The following ENTPD5 variants were observed in gnomAD, a reference collection of about 807,000 sequenced individuals.
The protein encoded by ENTPD5 is ectonucleoside triphosphate diphosphohydrolase 5 (inactive), also known as nucleoside diphosphate phosphatase ENTPD5.
In ENTPD5, 49 loss-of-function variants were observed where a neutral mutation model predicts 60.2. The observed-to-expected ratio is 0.81, with a 90% CI of 0.65 to 1.03. The LOEUF is 1.03. ENTPD5 is among the 50% of genes least tolerant of loss of function. The pLI, the probability that ENTPD5 is intolerant of heterozygous loss-of-function variation, is 0.00. For synonymous variants in ENTPD5, 187 were observed against 185.4 expected (o/e 1.01, Z -0.07); for missense variants, 480 against 507.6 (o/e 0.95, Z 0.52).
intron 3 of ENTPD5, among the ~76,000 whole-genome samples, chr14:73,992,478 A>G (rs564495445): frequency 1.1e-4 from 17 of 152,124 alleles, no homozygotes; most frequent in African/African-American, 3.9e-4. Flanking sequence ...TGAGGTCAGG[A>G]GTTTGAGACC....
At chr14:73,992,701 AG>A (rs1393993688) in intron 3 of ENTPD5, among the ~76,000 whole-genome samples, 3 of 150,488 alleles carry the variant, frequency 2.0e-5, no homozygotes, top group Non-Finnish European at 4.4e-5. Flanking sequence ...AAAAAAAAAA[AG>A]CAAATTAAAG....
downstream of ENTPD5, chr14:73,958,641 C>T: frequency 7.7e-7 from 1 of 1,296,286 alleles, no homozygotes; most frequent in Non-Finnish European, 9.9e-7. Flanking sequence ...GGTAGCCATT[C>T]CTAACCCTAC....
At chr14:73,974,710 C>T (rs1008052524) in intron 11 of ENTPD5, among the ~76,000 whole-genome samples, 1 of 152,172 alleles carries the variant, frequency 6.6e-6, no homozygotes, top group African/African-American at 2.4e-5. Flanking sequence ...AACAAGTAGA[C>T]CTCATTCTAA....
chr14:73,978,077 T>C (rs1454875873), intron 6 of ENTPD5, among the ~76,000 whole-genome samples: 1 of 152,182 alleles, frequency 6.6e-6, no homozygotes, highest in Non-Finnish European at 1.5e-5. Context: ...TTCTGATGGA[T>C]GAAACATACC....
downstream of ENTPD5, chr14:73,961,148 T>A: frequency 6.2e-7 from 1 of 1,610,710 alleles, no homozygotes. Flanking sequence ...TTCACCTTGT[T>A]TGTCTTGTGG....
downstream of ENTPD5, chr14:73,959,027 G>C (rs1466150490): frequency 6.2e-7 from 1 of 1,614,162 alleles, no homozygotes; most frequent in Admixed American, 1.7e-5. Flanking sequence ...TCCAGAATGT[G>C]AGCTGGAACT....
downstream of ENTPD5, chr14:73,959,140 AC>A: frequency 6.2e-7 from 1 of 1,614,110 alleles, no homozygotes; most frequent in Non-Finnish European, 8.5e-7. Context: ...TCACAGAGAA[AC>A]TTTTCTCCTC....
downstream of ENTPD5, chr14:73,959,073 T>G (rs1336648270): frequency 6.2e-7 from 1 of 1,614,226 alleles, no homozygotes; most frequent in Admixed American, 1.7e-5. Context: ...TCTGCATTTA[T>G]CAGAGGTAAG....
chr14:73,999,823 C>A (rs1310695786), intron 3 of ENTPD5, among the ~76,000 whole-genome samples: 1 of 150,750 alleles, frequency 6.6e-6, no homozygotes, highest in Non-Finnish European at 1.5e-5. Context: ...GGCGCAGTAG[C>A]TTACACCTGT....
intron 10 of ENTPD5, 61 bp from the exon 11 acceptor site, chr14:73,975,046 C>T (rs2140507319): frequency 1.6e-6 from 2 of 1,277,476 alleles, no homozygotes; most frequent in Non-Finnish European, 2.3e-6. Context: ...CCTAAAGCTA[C>T]CTCTTTCAAA....
chr14:73,987,430 A>C (rs2057947704), intron 4 of ENTPD5, among the ~76,000 whole-genome samples: 2 of 152,186 alleles, frequency 1.3e-5, no homozygotes, highest in Admixed American at 1.3e-4. Context: ...TTACACCTAT[A>C]ATCCCAGTAC....
At chr14:73,967,791 C>A (rs1272350268) in intron 15 of ENTPD5, among the ~76,000 whole-genome samples, 6 of 111,870 alleles carry the variant, frequency 5.4e-5, no homozygotes, top group African/African-American at 1.9e-4. Flanking sequence ...CAGAGCAAGA[C>A]CCTGTCTCAA....
intron 6 of ENTPD5, among the ~76,000 whole-genome samples, chr14:73,979,186 G>A (rs1474250420): frequency 6.6e-6 from 1 of 151,900 alleles, no homozygotes; most frequent in Non-Finnish European, 1.5e-5. Flanking sequence ...TAAGATCTCT[G>A]ATCAACTGAA....
In ENTPD5 at chr14:73,965,415, G is replaced by C. The variant is rs78355949; in HGVS notation, c.*1513C>G. ...AAGAGCACTGCAGGGCAGATGAGAAGCAGGGATGATTATGTTGAAAGTGCA... is the reference window on the plus strand; with the variant it reads ...AAGAGCACTGCAGGGCAGATGAGAACCAGGGATGATTATGTTGAAAGTGCA... On this transcript the variant is annotated 3_prime_UTR_variant, in exon 16 of 16. Coordinates refer to ENST00000334696, the MANE Select transcript of ENTPD5 (RefSeq NM_001249.5). 2,074 of 152,322 alleles carry C rather than the reference G, an allele frequency of 0.014. 26 individuals carry two copies. The highest frequency in any genetic ancestry group is 0.024 in the Non-Finnish European group (1,601 of 68,056). The allele number at this position is 152,322 out of a possible 1,614,324, so 9.4% of individuals were successfully genotyped here.
chr14:73,956,064 C>T (rs1324425070), downstream of ENTPD5: 12 of 1,282,630 alleles, frequency 9.4e-6, no homozygotes, highest in African/African-American at 1.8e-4. Flanking sequence ...GTGGCTCACG[C>T]CTGTAATCCC....
rs769248449 is a variant in ENTPD5, at chr14:73,976,028, A to C, written c.643-13T>G. 6.9e-6 allele frequency: 11 copies of C among 1,603,374 alleles called. No homozygotes were observed. Among genetic ancestry groups the C allele is most frequent in the Admixed American group, 1.7e-5 (1 of 59,850 alleles). On this transcript the variant is annotated splice_polypyrimidine_tract_variant and intron_variant, in intron 9 of 15. Coordinates refer to ENST00000334696, the MANE Select transcript of ENTPD5 (RefSeq NM_001249.5). Reference sequence around the variant, plus strand: ...GTTCCAGAGTTTTCTGCAAATCAGAAAAAGCAAAAAGACTATTCAGGATCT... The same window carrying C: ...GTTCCAGAGTTTTCTGCAAATCAGACAAAGCAAAAAGACTATTCAGGATCT...
intron 3 of ENTPD5, 145 bp from the exon 4 acceptor site, chr14:73,988,317 C>T (rs1379951802): frequency 1.5e-6 from 1 of 649,042 alleles, no homozygotes; most frequent in Admixed American, 3.6e-5. Flanking sequence ...GATGTGGGCT[C>T]TTAGCACCTT....
intron 3 of ENTPD5, among the ~76,000 whole-genome samples, chr14:73,991,621 A>G (rs890494808): frequency 7.5e-6 from 1 of 132,964 alleles, no homozygotes; most frequent in African/African-American, 2.6e-5. Flanking sequence ...AAAAAAAAAA[A>G]AAAAACAATT....
At chr14:73,981,620 A>G (rs2057694148) in intron 6 of ENTPD5, among the ~76,000 whole-genome samples, 1 of 152,050 alleles carries the variant, frequency 6.6e-6, no homozygotes, top group African/African-American at 2.4e-5. Context: ...CCTGGGCAAC[A>G]TGGTGAAACC....
Sources: allele counts gnomAD v4.1 joint callset (sites outside exome capture counted in the v4.1 genomes callset), GRCh38; gene constraint gnomAD v4.1.1; transcripts MANE v1.5; gene names NCBI Gene and HGNC (gene_info 2026-07-23, HGNC 2026-07-21).